Variants in CLEC2D observed in about 807,000 individuals in gnomAD.
CLEC2D encodes C-type lectin domain family 2 member D, also known as C-type lectin related f.
Under a neutral mutation model 20.0 loss-of-function variants are expected in CLEC2D, and 16 were observed. The ratio of observed to expected loss-of-function variants is 0.80; its 90% confidence interval spans 0.54 to 1.22. CLEC2D has a LOEUF of 1.22. CLEC2D is among the 50% of genes most tolerant of loss of function. CLEC2D has a pLI of 0.00. For missense variants in CLEC2D, 207 were observed against 221.5 expected, an observed-to-expected ratio of 0.93 and a Z score of 0.42; for synonymous variants, 77 against 71.1, an observed-to-expected ratio of 1.08 and a Z score of -0.42.
intron 3 of CLEC2D, among the ~76,000 whole-genome samples, chr12:9,688,489 G>A (rs1003149482): frequency 5.3e-5 from 8 of 152,168 alleles, no homozygotes; most frequent in Non-Finnish European, 1.0e-4. Flanking sequence ...AGGCCAAGGC[G>A]GGTGTATCAC....
intron 1 of CLEC2D, among the ~76,000 whole-genome samples, chr12:9,674,665 ATT>A (rs1486234135): frequency 6.6e-6 from 1 of 152,250 alleles, no homozygotes; most frequent in African/African-American, 2.4e-5. Flanking sequence ...AGTATTTGAT[ATT>A]GTTAATGTTT....
At chr12:9,678,780 A>T (rs1865574333) in intron 1 of CLEC2D, among the ~76,000 whole-genome samples, 1 of 152,154 alleles carries the variant, frequency 6.6e-6, no homozygotes, top group Non-Finnish European at 1.5e-5. Flanking sequence ...GCCTCAAATG[A>T]TCCTCCTGCC....
chr12:9,677,333 T>C (rs1865538581), intron 1 of CLEC2D, among the ~76,000 whole-genome samples: 1 of 152,212 alleles, frequency 6.6e-6, no homozygotes, highest in East Asian at 1.9e-4. Context: ...AGTTGAAGTA[T>C]TTTAAAACTT....
intron 1 of CLEC2D, among the ~76,000 whole-genome samples, chr12:9,671,753 A>G (rs1356858744): frequency 6.6e-6 from 1 of 152,100 alleles, no homozygotes; most frequent in African/African-American, 2.4e-5. Context: ...GCTCAATTCC[A>G]TGTTTCTGGC....
rs185267736 is a variant in CLEC2D at position 9,689,409 on chromosome 12, G to A, written c.357+1323G>A. Among the ~76,000 whole-genome samples, 441 of 152,124 alleles carry A rather than the reference G, an allele frequency of 2.9e-3. 4 individuals are homozygous for A. The highest frequency in any genetic ancestry group is 0.01 in the African/African-American group (421 of 41,490). ...AAGTTACCAGAGTTACCACAACATA[G>A]TATTCATAATGTCCAGTTCTCAAAA... On this transcript the variant is annotated intron_variant, in intron 3 of 4. Transcript: ENST00000290855.
rs1865944129 is a variant in CLEC2D, at chr12:9,694,873, A to C, written c.575A>C (p.Ter192SerextTer8). 1 of 1,517,104 alleles carries C rather than the reference A, an allele frequency of 6.6e-7. No homozygotes were observed. The highest frequency in any genetic ancestry group is 9.2e-7 in the Non-Finnish European group (1 of 1,092,002). 94.0% of individuals were successfully genotyped at this position (1,517,104 alleles called of 1,614,324 possible). ...TGTTCCAAATCAGATATACATGTCTAGATGTTACAGCAAAGCCCCAACTAA... is the reference window on the plus strand; with the variant it reads ...TGTTCCAAATCAGATATACATGTCTCGATGTTACAGCAAAGCCCCAACTAA... ...WICSKSDIHV[*>S] The change falls in exon 5 of 5, where the codon TAG becomes TCG. Residue 192 changes from the stop codon to serine, a stop_lost. Coordinates refer to ENST00000290855, the MANE Select transcript of CLEC2D (RefSeq NM_013269.6).
rs768283363 is a variant in CLEC2D, at chr12:9,692,124, T to G, written c.358-704T>G. Among the ~76,000 whole-genome samples the G allele has an allele frequency of 3.9e-5, 6 of 152,206 alleles. No individual in the cohort carries two copies. The East Asian group carries it at 7.7e-4, about 20-fold the overall frequency. On this transcript the variant is annotated intron_variant, in intron 3 of 4. Coordinates refer to ENST00000290855, the MANE Select transcript of CLEC2D (RefSeq NM_013269.6). The stretch of plus-strand genomic sequence containing the variant: ...TTCTTTCTTTCTTTCTTTCTCTTTC[T>G]TTCGTTCGTTCGTTCGTTCGTTTCT...
At chr12:9,671,263 C>G (rs11052303) in intron 1 of CLEC2D, among the ~76,000 whole-genome samples, 10,096 of 152,104 alleles carry the variant, frequency 0.066, 349 homozygotes, top group Non-Finnish European at 0.084. Flanking sequence ...TCACTCTGTC[C>G]CCCAGGCTGG....
intron 2 of CLEC2D, among the ~76,000 whole-genome samples, chr12:9,682,995 C>T (rs184567346): frequency 1.3e-5 from 2 of 152,168 alleles, no homozygotes; most frequent in Non-Finnish European, 2.9e-5. Context: ...TCTCTACATC[C>T]TCTTCAGCGT....
At position 9,695,002 on chromosome 12, in the gene CLEC2D, C is replaced by T; in HGVS notation, c.*128C>T. Reference sequence around the variant, plus strand: ...AAAATATGCTCAATATCACTAATAACTGGGAAAATACAAATCAAAATCATA... The same window carrying T: ...AAAATATGCTCAATATCACTAATAATTGGGAAAATACAAATCAAAATCATA... On this transcript the variant is annotated 3_prime_UTR_variant, in exon 5 of 5. Coordinates refer to ENST00000290855, the MANE Select transcript of CLEC2D (RefSeq NM_013269.6). 1.6e-6 allele frequency: 1 copy of T among 617,652 alleles called. No individual in the cohort carries two copies. The highest frequency in any genetic ancestry group is 2.9e-6 in the Non-Finnish European group (1 of 345,374). 38.3% of individuals were successfully genotyped at this position (617,652 alleles called of 1,614,324 possible). A position where few individuals can be genotyped will look rare whatever the true frequency, so the allele number is the denominator to read the frequency against.
rs376811873 is a variant in CLEC2D, at chr12:9,669,726, G to A, written c.-9G>A. ...GTGGTTTAGATCACTCATAGAAACT[G>A]GAGGCAAAATGCATGACAGTAACAA... On this transcript the variant is annotated 5_prime_UTR_variant, in exon 1 of 5. Transcript: ENST00000290855. 1.2e-6 allele frequency: 2 copies of A among 1,610,636 alleles called. No individual in the cohort carries two copies. Among genetic ancestry groups the A allele is most frequent in the Admixed American group, 1.7e-5 (1 of 59,974 alleles).
chr12:9,693,827 A>C (rs1190419128), intron 4 of CLEC2D: 7 of 449,228 alleles, frequency 1.6e-5, no homozygotes, highest in Middle Eastern at 9.5e-4. Flanking sequence ...TTTTTGAGAG[A>C]CAGGGTCTTA....
At chr12:9,681,365 A>G (rs1865631928) in intron 2 of CLEC2D, among the ~76,000 whole-genome samples, 1 of 152,168 alleles carries the variant, frequency 6.6e-6, no homozygotes, top group African/African-American at 2.4e-5. Flanking sequence ...TACCTCCACA[A>G]CAACCTTGTT....
At chr12:9,678,638 C>G (rs1417787474) in intron 1 of CLEC2D, among the ~76,000 whole-genome samples, 1 of 152,098 alleles carries the variant, frequency 6.6e-6, no homozygotes, top group Non-Finnish European at 1.5e-5. Context: ...ATCCTAGGCT[C>G]AAGTGATTCT....
intron 1 of CLEC2D, among the ~76,000 whole-genome samples, chr12:9,674,680 A>G (rs777834130): frequency 6.6e-6 from 1 of 152,232 alleles, no homozygotes; most frequent in Non-Finnish European, 1.5e-5. Flanking sequence ...TAATGTTTTA[A>G]TGTAACACTT....
Position 9,698,586 on chromosome 12 carries a change from G to A in CLEC2D, c.*3712G>A, listed in dbSNP as rs758710973. 2 of 152,288 alleles carry A rather than the reference G, an allele frequency of 1.3e-5. No individual in the cohort carries two copies. The highest frequency in any genetic ancestry group is 1.9e-4 in the East Asian group (1 of 5,194). 9.4% of individuals were successfully genotyped at this position (152,288 alleles called of 1,614,324 possible). A position where few individuals can be genotyped will look rare whatever the true frequency, so the allele number is the denominator to read the frequency against. On this transcript the variant is annotated 3_prime_UTR_variant, in exon 5 of 5. Transcript: ENST00000290855. The stretch of plus-strand genomic sequence containing the variant: ...AAATATAGGGAGAAAGCTTCACAAC[G>A]TTGGTCTGGGCAATAATTTTTGGAT...
chr12:9,672,577 C>T (rs1289042209), intron 1 of CLEC2D, among the ~76,000 whole-genome samples: 1 of 152,076 alleles, frequency 6.6e-6, no homozygotes, highest in Non-Finnish European at 1.5e-5. Context: ...TATTGGGGTT[C>T]TCTGGATTTC....
intron 2 of CLEC2D, among the ~76,000 whole-genome samples, chr12:9,683,886 G>GTTT (rs149143626): frequency 1.4e-5 from 2 of 147,450 alleles, no homozygotes; most frequent in Non-Finnish European, 3.0e-5. Flanking sequence ...GAAATTTAAA[G>GTTT]TTTTTTTTTT....
chr12:9,688,220 A>G (rs1020999212), intron 3 of CLEC2D, 134 bp downstream of exon 3: 29 of 1,190,614 alleles, frequency 2.4e-5, no homozygotes, highest in Non-Finnish European at 3.0e-5. Context: ...TTTTTGCATA[A>G]CGAAAGAGTA....
Sources: allele counts gnomAD v4.1 joint callset (sites outside exome capture counted in the v4.1 genomes callset), GRCh38; gene constraint gnomAD v4.1.1; transcripts MANE v1.5; gene names NCBI Gene and HGNC (gene_info 2026-07-23, HGNC 2026-07-21).